ATL2: variants seen among roughly 807,000 people sequenced by gnomAD.
ATL2 encodes the protein atlastin GTPase 2.
Under a neutral mutation model 73.9 loss-of-function variants are expected in ATL2, and 31 were observed. That is an observed-to-expected ratio of 0.42 (90% CI 0.32 to 0.57). The LOEUF (loss-of-function observed/expected upper bound fraction) is 0.57. Among genes scored for constraint, ATL2 ranks in the 20% least tolerant of loss-of-function variants. The probability of loss-of-function intolerance (pLI) is 0.14; values close to 1 mark genes in which losing one functional copy is unlikely to be tolerated. For synonymous variants in ATL2, 291 were observed against 237.5 expected (o/e 1.23, Z -2.07); for missense variants, 738 against 702.6 (o/e 1.05, Z -0.57).
At chr2:38,346,430 GT>G (rs1334673520) in intron 1 of ATL2, among the ~76,000 whole-genome samples, 1 of 151,996 alleles carries the variant, frequency 6.6e-6, no homozygotes, top group Non-Finnish European at 1.5e-5. Flanking sequence ...GCTCTATAAG[GT>G]CCCGTACTCA....
At chr2:38,325,656 AC>A (rs1284382426) in intron 2 of ATL2, among the ~76,000 whole-genome samples, 1 of 66,810 alleles carries the variant, frequency 1.5e-5, no homozygotes, top group Non-Finnish European at 2.8e-5. Context: ...ACACACACAC[AC>A]CAGTACACAC....
intron 1 of ATL2, among the ~76,000 whole-genome samples, chr2:38,355,337 G>C (rs538377328): frequency 4.7e-4 from 71 of 152,240 alleles, no homozygotes; most frequent in African/African-American, 1.7e-3. Context: ...ACATTGGTCA[G>C]GCTGGTCTTG....
chr2:38,349,046 G>T (rs1670188820), intron 1 of ATL2, among the ~76,000 whole-genome samples: 1 of 150,592 alleles, frequency 6.6e-6, no homozygotes, highest in Non-Finnish European at 1.5e-5. Flanking sequence ...AGGATGTGGA[G>T]AAATAGGAAC....
At chr2:38,323,699 GAC>G in intron 2 of ATL2, among the ~76,000 whole-genome samples, 1 of 152,192 alleles carries the variant, frequency 6.6e-6, no homozygotes, top group South Asian at 2.1e-4. Flanking sequence ...TAGTTAGTTA[GAC>G]AGAGAGAAAG....
At chr2:38,323,271 C>A (rs9808407) in intron 2 of ATL2, among the ~76,000 whole-genome samples, 75,024 of 149,520 alleles carry the variant, frequency 0.5, 20,640 homozygotes, top group African/African-American at 0.76. Flanking sequence ...TTCCACCAGA[C>A]ATATAAAGTA....
chr2:38,330,943 AC>A (rs1434460632), intron 2 of ATL2, among the ~76,000 whole-genome samples: 26 of 152,218 alleles, frequency 1.7e-4, no homozygotes, highest in African/African-American at 6.3e-4. Context: ...ACAAAATGGG[AC>A]TCACTTCCTC....
Position 38,294,401 on chromosome 2 carries a change from A to C in ATL2, c.*1593T>G, listed in dbSNP as rs905885647. Among the ~76,000 whole-genome samples the C allele has an allele frequency of 3.3e-5, 5 of 152,210 alleles. No homozygotes were observed. Among genetic ancestry groups the C allele is most frequent in the Non-Finnish European group, 7.3e-5 (5 of 68,038 alleles). On this transcript the variant is annotated 3_prime_UTR_variant, in exon 13 of 13. Transcript: ENST00000378954. The stretch of plus-strand genomic sequence containing the variant: ...ATCTCTACTTAAAATAGAAAACATT[A>C]GCCGGGAATGGTGGCACGCACCTGT...
intron 2 of ATL2, among the ~76,000 whole-genome samples, chr2:38,321,906 T>C (rs1206374056): frequency 6.6e-6 from 1 of 151,932 alleles, no homozygotes; most frequent in Non-Finnish European, 1.5e-5. Flanking sequence ...AGAGAGGGGG[T>C]TTCGCCACGT....
At chr2:38,303,857 C>A (rs939385107) in intron 9 of ATL2, among the ~76,000 whole-genome samples, 1 of 152,094 alleles carries the variant, frequency 6.6e-6, no homozygotes, top group Non-Finnish European at 1.5e-5. Context: ...CCTGGCTGGG[C>A]GTGGTGGCTC....
At chr2:38,329,507 G>T (rs1053377503) in intron 2 of ATL2, among the ~76,000 whole-genome samples, 9 of 147,804 alleles carry the variant, frequency 6.1e-5, no homozygotes, top group African/African-American at 2.0e-4. Flanking sequence ...GACTTCACTG[G>T]AAAACTCTAC....
intron 2 of ATL2, among the ~76,000 whole-genome samples, chr2:38,331,725 G>A (rs1171447468): frequency 1.3e-5 from 2 of 151,694 alleles, no homozygotes; most frequent in Non-Finnish European, 2.9e-5. Flanking sequence ...GGTATCAAGA[G>A]CATTCAATAG....
chr2:38,298,933 G>A (rs1460752145), intron 11 of ATL2, among the ~76,000 whole-genome samples: 3 of 152,162 alleles, frequency 2.0e-5, no homozygotes, highest in African/African-American at 7.2e-5. Context: ...GTTTGAGCAA[G>A]CAAGTACAGA....
At chr2:38,330,140 A>T (rs953714465) in intron 2 of ATL2, among the ~76,000 whole-genome samples, 1 of 146,550 alleles carries the variant, frequency 6.8e-6, no homozygotes, top group Non-Finnish European at 1.5e-5. Context: ...AAAGAAAAGA[A>T]AGAAAAAAAA....
At chr2:38,351,550 G>C (rs531705678) in intron 1 of ATL2, among the ~76,000 whole-genome samples, 1 of 150,894 alleles carries the variant, frequency 6.6e-6, no homozygotes, top group Non-Finnish European at 1.5e-5. Context: ...CTGGAGTGCA[G>C]TGGCACGATC....
intron 2 of ATL2, among the ~76,000 whole-genome samples, chr2:38,326,386 T>G (rs766245989): frequency 2.6e-5 from 4 of 152,184 alleles, no homozygotes; most frequent in Non-Finnish European, 4.4e-5. Context: ...TACCTGATAC[T>G]TCATGTCTGG....
intron 1 of ATL2, among the ~76,000 whole-genome samples, chr2:38,368,744 A>G (rs142146436): frequency 5.3e-5 from 8 of 152,364 alleles, no homozygotes. Context: ...CTTTTACAAA[A>G]CAATAAAAGA....
chr2:38,365,058 ATTACT>A (rs1395077386), intron 1 of ATL2, among the ~76,000 whole-genome samples: 3 of 148,240 alleles, frequency 2.0e-5, no homozygotes, highest in East Asian at 2.0e-4. Flanking sequence ...AAAAAAAAAA[ATTACT>A]TTAAGAGTTG....
At chr2:38,304,013 C>A (rs531810020) in intron 9 of ATL2, among the ~76,000 whole-genome samples, 135 of 152,280 alleles carry the variant, frequency 8.9e-4, no homozygotes, top group African/African-American at 3.1e-3. Flanking sequence ...CCTGTAATCT[C>A]AGCACCTTGG....
At position 38,300,280 on chromosome 2, in the gene ATL2, T is replaced by C. The variant is rs986051692; in HGVS notation, c.1120A>G (p.Met374Val). The C allele has an allele frequency of 5.6e-6, 9 of 1,601,404 alleles. No homozygotes were observed. The highest frequency in any genetic ancestry group is 7.7e-6 in the Non-Finnish European group (9 of 1,168,996). The change falls in exon 10 of 13, where the codon ATG (methionine) becomes GTG (valine). Residue 374 changes from methionine to valine, a missense_variant. By Grantham distance (21) the Met-to-Val change is conservative (BLOSUM62 1). Coordinates refer to ENST00000378954, the MANE Select transcript of ATL2 (RefSeq NM_001135673.4). ...ACTCTCTCTCTCTCTACCTGAAGCA[T>C]GGACTTTGGATGTGGAAGTTCTTCT... ...QGEELPHPKS[M>V]LQATAEANNL... is the part of the protein sequence containing the mutation.
Sources: gnomAD v4.1 joint callset for allele counts (sites outside exome capture counted in the v4.1 genomes callset) on GRCh38, gnomAD v4.1.1 for gene constraint, MANE v1.5 for transcripts, NCBI Gene and HGNC (gene_info 2026-07-23, HGNC 2026-07-21) for gene names.